The following CD163L1 variants were observed in gnomAD, a reference collection of about 807,000 sequenced individuals.
CD163L1 encodes scavenger receptor cysteine-rich type 1 protein M160.
A neutral mutation model predicts 165.4 loss-of-function variants in CD163L1; 124 were observed. The observed-to-expected ratio is 0.75, with a 90% CI of 0.65 to 0.87. The LOEUF is 0.87. Among genes scored for constraint, CD163L1 ranks in the 40% least tolerant of loss-of-function variants. The probability of loss-of-function intolerance (pLI) is 0.00; values close to 1 mark genes in which losing one functional copy is unlikely to be tolerated. For missense variants in CD163L1, 1,525 were observed against 1,799.9 expected (o/e 0.85, Z 2.76); for synonymous variants, 585 against 662.2 (o/e 0.88, Z 1.79).
At chr12:7,323,194 A>C in the CD163L1 span, 1 of 1,529,460 alleles carries the variant, frequency 6.5e-7, no homozygotes, top group African/African-American at 1.4e-5. Flanking sequence ...TTCAGAATAT[A>C]AACTTTTGTA....
the CD163L1 span, among the ~76,000 whole-genome samples, chr12:7,321,657 C>G: frequency 1.3e-5 from 2 of 152,218 alleles, no homozygotes. Flanking sequence ...CCCTCTGGCC[C>G]ATTTGGGGCC....
intron 8 of CD163L1, among the ~76,000 whole-genome samples, chr12:7,382,500 G>A (rs1362588373): frequency 3.3e-5 from 5 of 152,164 alleles, no homozygotes; most frequent in Non-Finnish European, 7.4e-5. Flanking sequence ...GGCTAGGATT[G>A]ACTGGAAGCC....
Position 7,374,789 on chromosome 12 carries a change from T to C in CD163L1, c.3095-33A>G. On this transcript the variant is annotated intron_variant, in intron 12 of 19. Transcript: ENST00000313599. The surrounding 1 kb of genome is among the most constrained non-coding windows in gnomAD (Gnocchi z 5.4). ...GAGAAAGTCCAGTTAATAGGTCACA[T>C]TCTTTAGAGTTGCAGTGTTTCCTAA... is the stretch of plus-strand genomic sequence containing the variant. The C allele has an allele frequency of 1.2e-6, 2 of 1,614,070 alleles. No individual in the cohort carries two copies. The highest frequency in any genetic ancestry group is 2.2e-5 in the East Asian group (1 of 44,872).
At chr12:7,433,145 T>C (rs1948657557) in intron 3 of CD163L1, among the ~76,000 whole-genome samples, 1 of 152,152 alleles carries the variant, frequency 6.6e-6, no homozygotes, top group African/African-American at 2.4e-5. Context: ...ATGCATTCTC[T>C]CTCTGTCTCT....
downstream of CD163L1, among the ~76,000 whole-genome samples, chr12:7,354,259 A>T (rs767115618): frequency 9.0e-4 from 137 of 152,132 alleles, no homozygotes; most frequent in African/African-American, 2.5e-3. Context: ...ACTGATTTTT[A>T]AAAAAATTAT....
chr12:7,341,854 T>C (rs1946639697), downstream of CD163L1, among the ~76,000 whole-genome samples: 1 of 152,218 alleles, frequency 6.6e-6, no homozygotes, highest in African/African-American at 2.4e-5. Flanking sequence ...AGATGAGAAA[T>C]TCTGAGACCC....
the CD163L1 span, among the ~76,000 whole-genome samples, chr12:7,321,504 T>A: frequency 6.6e-6 from 1 of 152,208 alleles, no homozygotes. Context: ...CAAACATGGA[T>A]CTTCTCTTTT....
At chr12:7,409,059 G>T (rs1261364043) in intron 4 of CD163L1, among the ~76,000 whole-genome samples, 1 of 152,154 alleles carries the variant, frequency 6.6e-6, no homozygotes, top group Non-Finnish European at 1.5e-5. Flanking sequence ...CATACAGTAA[G>T]TTTATAAACC....
At chr12:7,327,810 G>A in the CD163L1 span, among the ~76,000 whole-genome samples, 1 of 152,142 alleles carries the variant, frequency 6.6e-6, no homozygotes, top group African/African-American at 2.4e-5. Flanking sequence ...TTAAAATACA[G>A]TAGTCTTATT....
At chr12:7,421,404 C>T (rs1454573138) in intron 4 of CD163L1, among the ~76,000 whole-genome samples, 1 of 58,658 alleles carries the variant, frequency 1.7e-5, no homozygotes, top group South Asian at 6.1e-4. Flanking sequence ...GTATATATAT[C>T]TTCCAAATGT....
At chr12:7,370,748 AT>A (rs763830717) in intron 14 of CD163L1, among the ~76,000 whole-genome samples, 21 of 151,976 alleles carry the variant, frequency 1.4e-4, no homozygotes, top group Non-Finnish European at 2.5e-4. Context: ...TCTTGAGTTT[AT>A]TTTTTCTCGT....
chr12:7,413,706 C>G (rs970332259), intron 4 of CD163L1, among the ~76,000 whole-genome samples: 3 of 152,186 alleles, frequency 2.0e-5, no homozygotes, highest in Admixed American at 1.3e-4. Flanking sequence ...GTGTGTGTAT[C>G]TTTTGCAGAC....
intron 6 of CD163L1, among the ~76,000 whole-genome samples, chr12:7,399,212 T>C (rs1268965991): frequency 6.6e-6 from 1 of 151,488 alleles, no homozygotes; most frequent in African/African-American, 2.4e-5. Context: ...TTTCTCTTTT[T>C]TTCTTCCTTT....
intron 14 of CD163L1, among the ~76,000 whole-genome samples, chr12:7,371,911 T>C (rs756619409): frequency 1.3e-5 from 2 of 152,116 alleles, no homozygotes; most frequent in African/African-American, 4.8e-5. Flanking sequence ...CATATGATAC[T>C]CAAGAGTGTA....
At chr12:7,332,946 A>T in the CD163L1 span, among the ~76,000 whole-genome samples, 5 of 152,342 alleles carry the variant, frequency 3.3e-5, no homozygotes, top group Admixed American at 1.3e-4. Flanking sequence ...CTAACCTTAA[A>T]TGTAAATGGG....
chr12:7,395,080 A>C (rs376297081), intron 8 of CD163L1, among the ~76,000 whole-genome samples: 1 of 152,178 alleles, frequency 6.6e-6, no homozygotes, highest in Non-Finnish European at 1.5e-5. Flanking sequence ...TTGACCCAGC[A>C]ATCCCATTAC....
At position 7,375,474 on chromosome 12, in the gene CD163L1, A is replaced by G. The variant is rs376788713; in HGVS notation, c.2808T>C (p.Val936=). 7.4e-6 allele frequency: 12 copies of G among 1,614,156 alleles called. No homozygotes were observed. The South Asian group carries it at 8.8e-5, about 12-fold the overall frequency. ...DTHWDPEDAR[V]LCRQLSCGTA... The stretch of plus-strand genomic sequence containing the variant: ...TCCCACAGCTGAGCTGTCTGCATAG[A>G]ACACGGGCATCTTCTGGGTCCCAGT... The change falls in exon 11 of 20, where the codon GTT becomes GTC. Residue 936 remains valine (V), a synonymous_variant. Transcript: ENST00000313599.
At chr12:7,324,098 A>T in the CD163L1 span, among the ~76,000 whole-genome samples, 4 of 152,012 alleles carry the variant, frequency 2.6e-5, no homozygotes, top group Non-Finnish European at 5.9e-5. Context: ...GGATCACTAG[A>T]GCCCAGGAGG....
At chr12:7,395,188 C>T (rs1481741026) in intron 8 of CD163L1, among the ~76,000 whole-genome samples, 3 of 152,168 alleles carry the variant, frequency 2.0e-5, no homozygotes, top group Admixed American at 6.5e-5. Flanking sequence ...AGACTTGGAA[C>T]CAACCCAGAT....
Sources: gnomAD v4.1 joint callset for allele counts (sites outside exome capture counted in the v4.1 genomes callset) on GRCh38, gnomAD v4.1.1 for gene constraint, Gnocchi (gnomAD v3.1) non-coding constraint, MANE v1.5 for transcripts, NCBI Gene and HGNC (gene_info 2026-07-23, HGNC 2026-07-21) for gene names.